Variants in WDR41 observed in about 807,000 individuals in gnomAD.
WDR41 encodes WD repeat domain 41.
WDR41 carries 63 observed loss-of-function variants against 69.3 expected under a neutral mutation model. That is an observed-to-expected ratio of 0.91 (90% CI 0.74 to 1.12). WDR41 has a LOEUF of 1.12. WDR41 is among the 50% of genes most tolerant of loss of function. WDR41 has a pLI of 0.00. For synonymous variants in WDR41, 185 were observed against 192.1 expected (o/e 0.96, Z 0.31); for missense variants, 543 against 534.5 (o/e 1.02, Z -0.16).
chr5:77,595,470 C>T (rs1744211033), intron 1 of WDR41, among the ~76,000 whole-genome samples: 1 of 152,128 alleles, frequency 6.6e-6, no homozygotes, highest in Admixed American at 6.5e-5. Context: ...GTCAAATTGC[C>T]CCCAAAACCA....
intron 1 of WDR41, among the ~76,000 whole-genome samples, chr5:77,590,077 T>C (rs537416521): frequency 6.6e-6 from 1 of 152,292 alleles, no homozygotes; most frequent in East Asian, 1.9e-4. Flanking sequence ...GAGATAACCA[T>C]ATGGAGGAGG....
chr5:77,583,327 CA>C (rs1743976404), intron 1 of WDR41, among the ~76,000 whole-genome samples: 1 of 150,440 alleles, frequency 6.6e-6, no homozygotes, highest in East Asian at 2.0e-4. Flanking sequence ...CCAGCCTGAG[CA>C]ACATGGTGAA....
chr5:77,438,878 AT>A (rs1196390296), intron 9 of WDR41, among the ~76,000 whole-genome samples: 3 of 152,146 alleles, frequency 2.0e-5, no homozygotes, highest in Non-Finnish European at 4.4e-5. Context: ...TTCAAAAAAC[AT>A]TTTTCCAAAT....
At chr5:77,456,879 T>G (rs1010179827) in intron 5 of WDR41, among the ~76,000 whole-genome samples, 1 of 150,614 alleles carries the variant, frequency 6.6e-6, no homozygotes, top group African/African-American at 2.4e-5. Flanking sequence ...TTCTTCTTTC[T>G]TTTTTTTTGT....
chr5:77,520,526 G>C (rs1247318619), intron 1 of WDR41, among the ~76,000 whole-genome samples: 1 of 152,138 alleles, frequency 6.6e-6, no homozygotes, highest in Admixed American at 6.5e-5. Context: ...ATTGAACAAG[G>C]AGGTGCCTTA....
chr5:77,471,190 A>G (rs1581735189), intron 2 of WDR41, among the ~76,000 whole-genome samples: 1 of 152,300 alleles, frequency 6.6e-6, no homozygotes, highest in African/African-American at 2.4e-5. Context: ...GGTACATAAC[A>G]AAGTGAAGGC....
chr5:77,438,218 C>T (rs1015905499), intron 10 of WDR41, 22 bp downstream of exon 10: 18 of 1,613,192 alleles, frequency 1.1e-5, no homozygotes, highest in Non-Finnish European at 1.5e-5. Flanking sequence ...TCATCTATTG[C>T]AGAACAGATG....
In WDR41 at chr5:77,492,262, C is replaced by G; in HGVS notation, c.-42G>C. On this transcript the variant is annotated 5_prime_UTR_variant, in exon 1 of 13. Coordinates refer to ENST00000296679, the MANE Select transcript of WDR41 (RefSeq NM_018268.4). ...TCTTGCCCGGTCCAGCCCCAGTCAG[C>G]CCAAACTCCGCCCCAGGCTCGGCCT... 6.2e-7 allele frequency: 1 copy of G among 1,608,956 alleles called. No individual in the cohort carries two copies.
intron 12 of WDR41, among the ~76,000 whole-genome samples, chr5:77,434,421 T>A (rs1397716532): frequency 6.6e-6 from 1 of 152,064 alleles, no homozygotes; most frequent in Admixed American, 6.6e-5. Context: ...GGGAGCAGAA[T>A]TCCTTCGGAA....
rs1459214254 is a variant in WDR41 at position 77,492,213 on chromosome 5, C to T, written c.8G>A (p.Arg3Gln). 14 of 1,612,576 alleles carry T rather than the reference C, an allele frequency of 8.7e-6. No homozygotes were observed. Among genetic ancestry groups the T allele is most frequent in the Non-Finnish European group, 1.1e-5 (13 of 1,179,598 alleles). The change falls in exon 1 of 13, where the codon CGA becomes CAA. Residue 3 changes from arginine to glutamine, a missense_variant. Arg to Gln is a conservative substitution (Grantham distance 43). Transcript: ENST00000296679. ML[R>Q]WLIGGGREPQ... ...TTCTCGGCCTCCCCCGATCAGCCAT[C>T]GCAACATCCGGGCAGCGGCGGCGTC...
chr5:77,600,322 T>G (rs1744300322), intron 1 of WDR41, among the ~76,000 whole-genome samples: 1 of 152,214 alleles, frequency 6.6e-6, no homozygotes, highest in East Asian at 1.9e-4. Context: ...AAAACCTTCA[T>G]GCTAAGTGAA....
intron 1 of WDR41, among the ~76,000 whole-genome samples, chr5:77,588,696 C>T (rs1205423899): frequency 6.6e-6 from 1 of 152,078 alleles, no homozygotes; most frequent in East Asian, 1.9e-4. Flanking sequence ...AATGATTGCT[C>T]CTATGCGAAA....
chr5:77,558,467 C>T (rs776869167), intron 1 of WDR41, among the ~76,000 whole-genome samples: 2 of 152,214 alleles, frequency 1.3e-5, no homozygotes, highest in Non-Finnish European at 2.9e-5. Context: ...AAGAGCCTCG[C>T]TGACCTGCAC....
At chr5:77,617,890 G>A (rs1744706309) in intron 1 of WDR41, among the ~76,000 whole-genome samples, 1 of 152,216 alleles carries the variant, frequency 6.6e-6, no homozygotes, top group Admixed American at 6.5e-5. Context: ...CTACCCATAT[G>A]AGTGGCAACT....
chr5:77,480,828 A>T (rs1292840037), intron 2 of WDR41, among the ~76,000 whole-genome samples: 13 of 50,526 alleles, frequency 2.6e-4, no homozygotes, highest in Middle Eastern at 8.2e-3. Context: ...GTATAATTAA[A>T]AAAAAAAAAA....
chr5:77,457,918 T>A (rs932916114), intron 5 of WDR41, among the ~76,000 whole-genome samples: 1 of 152,084 alleles, frequency 6.6e-6, no homozygotes, highest in Non-Finnish European at 1.5e-5. Context: ...TTTCACTATA[T>A]TGGAATAAGA....
chr5:77,437,544 T>C (rs1798991484), intron 10 of WDR41, 120 bp from the exon 11 acceptor site: 3 of 864,382 alleles, frequency 3.5e-6, no homozygotes, highest in South Asian at 2.8e-5. Context: ...TAGCAGGAAC[T>C]GACAAAAATC....
chr5:77,500,491 C>G (rs546246469), intron 1 of WDR41, among the ~76,000 whole-genome samples: 1 of 152,118 alleles, frequency 6.6e-6, no homozygotes, highest in Non-Finnish European at 1.5e-5. Flanking sequence ...GGAATGAAAG[C>G]AGGGATATTA....
At chr5:77,462,603 T>C (rs1800122067) in intron 4 of WDR41, among the ~76,000 whole-genome samples, 1 of 152,134 alleles carries the variant, frequency 6.6e-6, no homozygotes, top group Admixed American at 6.5e-5. Flanking sequence ...TAAAATTGTT[T>C]TTAATTATTA....
Sources: allele counts gnomAD v4.1 joint callset (sites outside exome capture counted in the v4.1 genomes callset), GRCh38; gene constraint gnomAD v4.1.1; transcripts MANE v1.5; gene names NCBI Gene and HGNC (gene_info 2026-07-23, HGNC 2026-07-21).